The following ADGRB1 variants were observed in gnomAD, a reference collection of about 807,000 sequenced individuals.
The protein encoded by ADGRB1 is brain-specific angiogenesis inhibitor 1.
ADGRB1 carries 36 observed loss-of-function variants against 175.7 expected under a neutral mutation model. The ratio of observed to expected loss-of-function variants is 0.20; its 90% confidence interval spans 0.16 to 0.27. The LOEUF (loss-of-function observed/expected upper bound fraction) is 0.27. Ranked by LOEUF, ADGRB1 falls within the 10% of genes least tolerant of loss-of-function variation. The pLI is 1.00. For synonymous variants in ADGRB1, 1,054 were observed against 979.4 expected (o/e 1.08, Z -1.42); for missense variants, 1,731 against 2,255.3 (o/e 0.77, Z 4.71).
At chr8:142,540,968 G>T (rs1002584417) in intron 27 of ADGRB1, among the ~76,000 whole-genome samples, 18 of 152,050 alleles carry the variant, frequency 1.2e-4, no homozygotes, top group African/African-American at 4.1e-4. Context: ...AGGCAGCTTG[G>T]GGGGCATTGG....
At chr8:142,520,343 G>T (rs1271306279) in intron 19 of ADGRB1, among the ~76,000 whole-genome samples, 1 of 143,200 alleles carries the variant, frequency 7.0e-6, no homozygotes, top group East Asian at 2.1e-4. Context: ...GGTGATAGTG[G>T]TAATGATTGT....
In ADGRB1 at chr8:142,520,928, A is replaced by T; in HGVS notation, c.3024+3A>T. On this transcript the variant is annotated splice_donor_region_variant and intron_variant, in intron 20 of 30. Transcript: ENST00000517894. Reference sequence around the variant, plus strand: ...GGCAGACCCAGACCCGCAACAAGGTAGGCAGCCTTGCGTCCTGCCATGCAC... The same window carrying T: ...GGCAGACCCAGACCCGCAACAAGGTTGGCAGCCTTGCGTCCTGCCATGCAC... 6.2e-7 allele frequency: 1 copy of T among 1,611,478 alleles called. No individual in the cohort carries two copies. The highest frequency in any genetic ancestry group is 8.5e-7 in the Non-Finnish European group (1 of 1,177,794).
At position 142,490,759 on chromosome 8, in the gene ADGRB1, C is replaced by A. The variant is rs571663565; in HGVS notation, c.2632-13C>A. 2.9e-4 allele frequency: 457 copies of A among 1,572,146 alleles called. 4 individuals are homozygous for A. The Admixed American group carries it at 8.0e-3, about 28-fold the overall frequency. ...GCTGCCAGGGGCCCTGACTCCTCTC[C>A]CCTCTCTCCCAGGGCACCACCAACC... On this transcript the variant is annotated splice_polypyrimidine_tract_variant and intron_variant, in intron 16 of 30. Coordinates refer to ENST00000517894, the MANE Select transcript of ADGRB1 (RefSeq NM_001702.3).
chr8:142,505,562 G>C (rs118083122), intron 17 of ADGRB1, among the ~76,000 whole-genome samples: 1,863 of 152,330 alleles, frequency 0.012, 18 homozygotes, highest in Non-Finnish European at 0.02. Flanking sequence ...GCCATTGCTG[G>C]GTTTGGAGGG....
chr8:142,536,121 G>A (rs1844908502), intron 25 of ADGRB1, among the ~76,000 whole-genome samples: 1 of 152,106 alleles, frequency 6.6e-6, no homozygotes, highest in South Asian at 2.1e-4. Context: ...GTGGGTGCCT[G>A]GAAGCCAGGA....
chr8:142,522,350 T>C (rs1036197843), intron 21 of ADGRB1, among the ~76,000 whole-genome samples: 1 of 152,182 alleles, frequency 6.6e-6, no homozygotes, highest in African/African-American at 2.4e-5. Context: ...CACAAGTATG[T>C]CCGGTGCAGT....
chr8:142,452,104 C>T (rs1839386712), intron 1 of ADGRB1, among the ~76,000 whole-genome samples: 1 of 152,210 alleles, frequency 6.6e-6, no homozygotes, highest in African/African-American at 2.4e-5. Flanking sequence ...GGACGTTGCG[C>T]GCGTTCGGGG....
chr8:142,453,821 T>G (rs1839501658), intron 1 of ADGRB1, among the ~76,000 whole-genome samples: 1 of 151,818 alleles, frequency 6.6e-6, no homozygotes, highest in Non-Finnish European at 1.5e-5. Context: ...GGCCTAGAAG[T>G]GGGGCTTACC....
chr8:142,479,851 G>C (rs1458080633), intron 9 of ADGRB1, 57 bp downstream of exon 9: 1 of 1,509,946 alleles, frequency 6.6e-7, no homozygotes, highest in Non-Finnish European at 9.0e-7. Flanking sequence ...TCACGGTGAT[G>C]CCCACGCTGA....
rs183740019 is a variant in ADGRB1, at chr8:142,485,251, G to A, written c.2308+487G>A. Among the ~76,000 whole-genome samples the A allele has an allele frequency of 1.4e-4, 21 of 152,334 alleles. No homozygotes were observed. The East Asian group carries it at 3.5e-3, about 25-fold the overall frequency. On this transcript the variant is annotated intron_variant, in intron 13 of 30. Coordinates refer to ENST00000517894, the MANE Select transcript of ADGRB1 (RefSeq NM_001702.3). The stretch of plus-strand genomic sequence containing the variant: ...ATGGGGAGGTAGAGACTGATGAGAC[G>A]AGTGAGTGGCTGAATCCCGGGGTAA...
chr8:142,479,884 G>A (rs1322741422), intron 9 of ADGRB1, 90 bp downstream of exon 9: 56 of 1,381,184 alleles, frequency 4.1e-5, no homozygotes, highest in Non-Finnish European at 5.4e-5. Context: ...ACTGGGAGGC[G>A]GCCCAGACAC....
Position 142,498,565 on chromosome 8 carries a change from G to A in ADGRB1, c.2675+7750G>A, listed in dbSNP as rs946725536. Among the ~76,000 whole-genome samples the A allele has an allele frequency of 5.3e-5, 8 of 151,964 alleles. No individual in the cohort carries two copies. In the East Asian group the frequency reaches 1.2e-3, roughly 22 times the overall value. On this transcript the variant is annotated intron_variant, in intron 17 of 30. Transcript: ENST00000517894. ...GTAGATCTGGCCACACTGGCTGTGCGCGCCCAGGCCTCAGTTTCCTTAACT... is the reference window on the plus strand; with the variant it reads ...GTAGATCTGGCCACACTGGCTGTGCACGCCCAGGCCTCAGTTTCCTTAACT...
chr8:142,529,633 A>G (rs1844477831), intron 24 of ADGRB1, among the ~76,000 whole-genome samples: 1 of 149,024 alleles, frequency 6.7e-6, no homozygotes, highest in Non-Finnish European at 1.5e-5. Context: ...CATACGTGTG[A>G]GCATGCATCT....
In ADGRB1 at chr8:142,489,341, C is replaced by T. The variant is rs148290848; in HGVS notation, c.2534C>T (p.Thr845Met). The change falls in exon 16 of 31, where the codon ACG (threonine) becomes ATG (methionine). Residue 845 changes from threonine (T) to methionine (M), a missense_variant. Transcript: ENST00000517894. ...TGTGCCTCTGGCTCTTGCAGGAACA[C>T]GACCGTCCTGAATTCTAAGGTGATC... is the stretch of plus-strand genomic sequence containing the variant. The part of the protein sequence containing the change: ...LGSFLALQRN[T>M]TVLNSKVISV... The T allele has an allele frequency of 3.6e-5, 58 of 1,612,854 alleles. 1 individual carries two copies. The highest frequency in any genetic ancestry group is 5.5e-5 in the South Asian group (5 of 91,086).
chr8:142,526,508 C>CCCCCCCCCCCCCCCCCCCCCA, intron 23 of ADGRB1, 34 bp from the exon 24 acceptor site: 1 of 1,307,082 alleles, frequency 7.7e-7, no homozygotes, highest in Non-Finnish European at 1.1e-6. Flanking sequence ...CGGCGGCCCC[C>CCCCCCCCCCCCCCCCCCCCCA]ACCCCCACAC....
chr8:142,489,461 C>G, intron 16 of ADGRB1, 23 bp downstream of exon 16: 1 of 1,606,010 alleles, frequency 6.2e-7, no homozygotes, highest in Non-Finnish European at 8.5e-7. Context: ...CACGTGCACA[C>G]TCTGATGCCA....
Position 142,543,379 on chromosome 8 carries a change from T to C in ADGRB1, c.4414-24T>C. The stretch of plus-strand genomic sequence containing the variant: ...ACTTGTCAGGGACCCTTGGCGAATG[T>C]TCGCAAACCCCTTCTCCCTGCAGCG... On this transcript the variant is annotated intron_variant, in intron 28 of 30. Transcript: ENST00000517894. This position sits in a 1 kb window ranked among gnomAD's most constrained non-coding sequence, Gnocchi z 4.4. 1 of 1,613,426 alleles carries C rather than the reference T, an allele frequency of 6.2e-7. No homozygotes were observed. The highest frequency in any genetic ancestry group is 8.5e-7 in the Non-Finnish European group (1 of 1,179,654).
chr8:142,464,494 T>C lies in ADGRB1; in HGVS notation c.296T>C (p.Val99Ala). Residue 99 changes from valine (V) to alanine (A), a missense_variant, in exon 2 of 31, where the codon GTG (valine) becomes GCG (alanine). This residue lies in a region of ADGRB1 where 383 missense variants were observed against 383.1 expected (regional missense o/e 1.00). Transcript: ENST00000517894. ...GTGCCCTGCAGCGGCCCCGGCCGCG[T>C]GCGCACCTACCAGTTCGACTCCTTC... is the stretch of plus-strand genomic sequence containing the variant. The part of the protein sequence containing the change: ...APVPCSGPGR[V>A]RTYQFDSFLE... 4.4e-6 allele frequency: 7 copies of C among 1,581,632 alleles called. No individual in the cohort carries two copies. Among genetic ancestry groups the C allele is most frequent in the Non-Finnish European group, 6.0e-6 (7 of 1,168,182 alleles).
chr8:142,456,988 G>T (rs145187971), intron 1 of ADGRB1, among the ~76,000 whole-genome samples: 1 of 152,232 alleles, frequency 6.6e-6, no homozygotes, highest in Non-Finnish European at 1.5e-5. Context: ...GACCGGCCCC[G>T]GGGTGTGCCT....
Sources: gnomAD v4.1 joint callset for allele counts (sites outside exome capture counted in the v4.1 genomes callset) on GRCh38, gnomAD v4.1.1 for gene constraint, gnomAD v4.1.1 regional missense constraint, Gnocchi (gnomAD v3.1) non-coding constraint, MANE v1.5 for transcripts, NCBI Gene and HGNC (gene_info 2026-07-23, HGNC 2026-07-21) for gene names.